GRM8: variants seen among roughly 807,000 people sequenced by gnomAD.
GRM8 encodes glutamate metabotropic receptor 8.
Under a neutral mutation model 87.2 loss-of-function variants are expected in GRM8, and 47 were observed. The observed-to-expected ratio is 0.54, with a 90% CI of 0.43 to 0.69. GRM8 has a LOEUF of 0.69. Among genes scored for constraint, GRM8 ranks in the 30% least tolerant of loss-of-function variants. The pLI, the probability that GRM8 is intolerant of heterozygous loss-of-function variation, is 0.00. For missense variants in GRM8, 1,019 were observed against 1,139.2 expected (o/e 0.89, Z 1.52); for synonymous variants, 396 against 404.5 (o/e 0.98, Z 0.25).
chr7:126,833,254 C>G (rs1225659264), intron 6 of GRM8, among the ~76,000 whole-genome samples: 3 of 152,144 alleles, frequency 2.0e-5, no homozygotes, highest in African/African-American at 7.2e-5. Context: ...TGATAAAAGG[C>G]AACAGTCACA....
intron 9 of GRM8, among the ~76,000 whole-genome samples, chr7:126,469,976 T>G (rs1804970923): frequency 6.6e-6 from 1 of 152,082 alleles, no homozygotes; most frequent in Admixed American, 6.6e-5. Context: ...TTTGAATGGT[T>G]TTGACCAAAA....
At chr7:126,488,359 T>C (rs573978969) in intron 9 of GRM8, among the ~76,000 whole-genome samples, 5 of 152,062 alleles carry the variant, frequency 3.3e-5, no homozygotes, top group Non-Finnish European at 7.4e-5. Context: ...ATGATGAAAA[T>C]AGGGTTCATC....
chr7:126,650,170 C>G (rs897168340), intron 7 of GRM8, among the ~76,000 whole-genome samples: 2 of 152,160 alleles, frequency 1.3e-5, no homozygotes, highest in Admixed American at 6.5e-5. Flanking sequence ...GGGTCATGTC[C>G]ACAGCATTCC....
At chr7:126,763,035 T>A (rs951098349) in intron 7 of GRM8, among the ~76,000 whole-genome samples, 1 of 151,880 alleles carries the variant, frequency 6.6e-6, no homozygotes, top group Non-Finnish European at 1.5e-5. Context: ...AATTGACCTC[T>A]TAGAGATTGC....
intron 2 of GRM8, among the ~76,000 whole-genome samples, chr7:127,228,152 T>C (rs1336327952): frequency 6.6e-6 from 1 of 152,238 alleles, no homozygotes. Flanking sequence ...GTTGAAAGCA[T>C]GGACTTTTGA....
rs1388638454 is a variant in GRM8 at position 127,069,329 on chromosome 7, A to AT, written c.727+37166dup. On this transcript the variant is annotated intron_variant, in intron 3 of 10. Transcript: ENST00000339582. ...AGGCATGCACCAACATGCCCAGCTA[A>AT]TTTTTTGTATTTTTAGTAGAGATGG... Among the ~76,000 whole-genome samples, 10 of 152,136 alleles carry AT rather than the reference A, an allele frequency of 6.6e-5. No individual in the cohort carries two copies. The East Asian group carries it at 1.9e-3, about 30-fold the overall frequency.
intron 6 of GRM8, among the ~76,000 whole-genome samples, chr7:126,856,047 C>T (rs1219136042): frequency 1.3e-5 from 2 of 152,090 alleles, no homozygotes; most frequent in African/African-American, 2.4e-5. Context: ...GAAGCATGAA[C>T]TTTCATCAGC....
chr7:127,081,073 G>C (rs997227989), intron 3 of GRM8, among the ~76,000 whole-genome samples: 1 of 152,172 alleles, frequency 6.6e-6, no homozygotes, highest in African/African-American at 2.4e-5. Flanking sequence ...GAAGATTTCG[G>C]TGTCAGAGAA....
At chr7:126,543,509 G>C (rs1816776193) in intron 8 of GRM8, among the ~76,000 whole-genome samples, 1 of 152,112 alleles carries the variant, frequency 6.6e-6, no homozygotes, top group Non-Finnish European at 1.5e-5. Context: ...GACCTAATAG[G>C]CATCAATAAC....
intron 3 of GRM8, among the ~76,000 whole-genome samples, chr7:126,938,281 G>A (rs757535555): frequency 1.2e-4 from 18 of 152,142 alleles, no homozygotes; most frequent in Non-Finnish European, 2.4e-4. Context: ...AGTTGCCTGG[G>A]GATGCAGAGC....
intron 3 of GRM8, among the ~76,000 whole-genome samples, chr7:126,910,085 A>C (rs1200023830): frequency 6.6e-6 from 1 of 152,056 alleles, no homozygotes; most frequent in African/African-American, 2.4e-5. Flanking sequence ...GTTATCCTAA[A>C]TAAGAGTTTA....
At chr7:126,827,034 G>A (rs567854536) in intron 6 of GRM8, among the ~76,000 whole-genome samples, 11 of 152,078 alleles carry the variant, frequency 7.2e-5, no homozygotes, top group Admixed American at 1.3e-4. Context: ...GTAGATATGT[G>A]GCATTATTTC....
At chr7:127,237,189 G>C (rs1798029693) in intron 2 of GRM8, among the ~76,000 whole-genome samples, 1 of 152,200 alleles carries the variant, frequency 6.6e-6, no homozygotes, top group African/African-American at 2.4e-5. Flanking sequence ...TCTCACCTAA[G>C]GAGAGTGAGC....
intron 3 of GRM8, among the ~76,000 whole-genome samples, chr7:127,091,428 T>C (rs1265984106): frequency 4.0e-5 from 2 of 50,474 alleles, no homozygotes; most frequent in Non-Finnish European, 7.1e-5. Flanking sequence ...TGATGACTGG[T>C]CATCCCCCCA....
At chr7:127,144,725 AC>A (rs1256353869) in intron 2 of GRM8, among the ~76,000 whole-genome samples, 1 of 152,102 alleles carries the variant, frequency 6.6e-6, no homozygotes, top group Non-Finnish European at 1.5e-5. Flanking sequence ...TGAGGCAAGA[AC>A]ATGTTTAAAG....
intron 1 of GRM8, among the ~76,000 whole-genome samples, chr7:127,248,853 G>GATA (rs1381238340): frequency 1.3e-5 from 2 of 152,178 alleles, no homozygotes; most frequent in Non-Finnish European, 2.9e-5. Context: ...AAGCCTATAT[G>GATA]GAGAGCACAG....
rs114611371 is a variant in GRM8 at position 126,479,684 on chromosome 7, T to C, written c.2431-33312A>G. On this transcript the variant is annotated intron_variant, in intron 9 of 10. Transcript: ENST00000339582. ...ATTTTAAATAATGGTACTATGAACA[T>C]TAATGTACGGATTTTTATGTGGACT... Among the ~76,000 whole-genome samples the C allele has an allele frequency of 7.5e-3, 1,138 of 152,198 alleles. 12 individuals carry two copies. Among genetic ancestry groups the C allele is most frequent in the African/African-American group, 0.026 (1,088 of 41,532 alleles).
intron 6 of GRM8, among the ~76,000 whole-genome samples, chr7:126,809,310 G>A (rs1417090779): frequency 6.6e-6 from 1 of 152,134 alleles, no homozygotes; most frequent in Non-Finnish European, 1.5e-5. Context: ...TTTCTGGTCA[G>A]TAGGAGGTGA....
intron 8 of GRM8, among the ~76,000 whole-genome samples, chr7:126,560,474 A>T (rs55832333): frequency 0.31 from 46,655 of 152,080 alleles, 8,063 homozygotes; most frequent in East Asian, 0.43. Flanking sequence ...TATCTATAAA[A>T]GAGTGAATAA....
Sources: gnomAD v4.1 joint callset for allele counts (sites outside exome capture counted in the v4.1 genomes callset) on GRCh38, gnomAD v4.1.1 for gene constraint, MANE v1.5 for transcripts, NCBI Gene and HGNC (gene_info 2026-07-23, HGNC 2026-07-21) for gene names.